The following INTS1 variants were observed in gnomAD, a reference collection of about 807,000 sequenced individuals.
INTS1 encodes the protein integrator complex subunit 1.
In INTS1, 137 loss-of-function variants were observed where a neutral mutation model predicts 241.6. The ratio of observed to expected loss-of-function variants is 0.57; its 90% CI spans 0.49 to 0.65. The LOEUF (loss-of-function observed/expected upper bound fraction) is 0.65, where lower values mean the gene tolerates loss of function less well. Ranked by LOEUF, INTS1 falls within the 30% of genes least tolerant of loss-of-function variation. The probability of loss-of-function intolerance (pLI) is 0.00; values close to 1 mark genes in which losing one functional copy is unlikely to be tolerated. For missense variants in INTS1, 3,073 were observed against 3,032.2 expected (o/e 1.01, Z -0.32); for synonymous variants, 1,692 against 1,337.8 (o/e 1.26, Z -5.78).
In INTS1 at chr7:1,473,682, C is replaced by G. The variant is rs766940024; in HGVS notation, c.5841G>C (p.Lys1947Asn). 6.2e-7 allele frequency: 1 copy of G among 1,613,184 alleles called. No homozygotes were observed. The highest frequency in any genetic ancestry group is 1.7e-5 in the Admixed American group (1 of 60,016). ...TGAAGGCAGCCAGATGGCGGGAGGA[C>G]TTCCTGTAATTCTGCAAAGCAAAAG... ...SFIRLLLNYR[K>N]SSRHLAAFIN... Residue 1947 changes from lysine (K) to asparagine (N), a missense_variant, in exon 42 of 48, where the codon AAG (lysine) becomes AAC (asparagine). Physicochemically the swap from Lys to Asn is moderately conservative, Grantham distance 94. Transcript: ENST00000404767.
In INTS1 at chr7:1,481,031, T is replaced by A; in HGVS notation, c.3851-98A>T. 1 of 859,260 alleles carries A rather than the reference T, an allele frequency of 1.2e-6. No homozygotes were observed. The highest frequency in any genetic ancestry group is 1.6e-5 in the South Asian group (1 of 64,386). 53.2% of individuals were successfully genotyped at this position (859,260 alleles called of 1,614,324 possible). On this transcript the variant is annotated intron_variant, in intron 28 of 47. Coordinates refer to ENST00000404767, the MANE Select transcript of INTS1 (RefSeq NM_001080453.3). The surrounding 1 kb of genome is among the most constrained non-coding windows in gnomAD (Gnocchi z 6.8). ...ACCAGAGTTGGAGATGCCCCCACCG[T>A]CACCAGCACTTCCCAAGGACTTCAG... is the stretch of plus-strand genomic sequence containing the variant.
chr7:1,493,168 G>A lies in INTS1; in HGVS notation c.2069-62C>T, dbSNP rs966601303. 37 of 1,420,576 alleles carry A rather than the reference G, an allele frequency of 2.6e-5. No homozygotes were observed. The highest frequency in any genetic ancestry group is 1.4e-4 in the African/African-American group (10 of 70,850). 88.0% of individuals were successfully genotyped at this position (1,420,576 alleles called of 1,614,324 possible). A position where few individuals can be genotyped will look rare whatever the true frequency, so the allele number is the denominator to read the frequency against. On this transcript the variant is annotated intron_variant, in intron 15 of 47. Coordinates refer to ENST00000404767, the MANE Select transcript of INTS1 (RefSeq NM_001080453.3). The surrounding 1 kb of genome is among the most constrained non-coding windows in gnomAD (Gnocchi z 5.3). ...TCACAGACCATCAGGCACAGGCAGC[G>A]AGGGAACCGGCCCTGCTCGGGCCGC...
rs566594176 is a variant in INTS1, at chr7:1,494,381, G to A, written c.1910+435C>T. 1.1e-4 allele frequency: 27 copies of A among 256,560 alleles called. No individual in the cohort carries two copies. The East Asian group carries it at 1.8e-3, about 17-fold the overall frequency. The allele number at this position is 256,560 out of a possible 1,614,324, so 15.9% of individuals were successfully genotyped here. On this transcript the variant is annotated intron_variant, in intron 14 of 47. Transcript: ENST00000404767. Reference sequence around the variant, plus strand: ...GCCCCAGGCGGGGCTGGAGGGGAGTGTAGACCAAGAACCCACGGGGTCACC... The same window carrying A: ...GCCCCAGGCGGGGCTGGAGGGGAGTATAGACCAAGAACCCACGGGGTCACC...
chr7:1,481,896 G>A lies in INTS1; in HGVS notation c.3704-408C>T, dbSNP rs1782016857. 6.6e-6 allele frequency among the ~76,000 whole-genome samples: 1 copy of A among 152,156 alleles called. No homozygotes were observed. The highest frequency in any genetic ancestry group is 1.5e-5 in the Non-Finnish European group (1 of 68,022). Reference sequence around the variant, plus strand: ...TGTGTGGGCCCCATCCCCAGGGGTGGGTGGGCGCTCCAGAGGGCCTATGGT... The same window carrying A: ...TGTGTGGGCCCCATCCCCAGGGGTGAGTGGGCGCTCCAGAGGGCCTATGGT... On this transcript the variant is annotated intron_variant, in intron 27 of 47. Transcript: ENST00000404767. The surrounding 1 kb of genome is among the most constrained non-coding windows in gnomAD (Gnocchi z 6.8).
chr7:1,487,471 G>A, intron 19 of INTS1, 22 bp from the exon 20 acceptor site: 1 of 1,607,166 alleles, frequency 6.2e-7, no homozygotes, highest in Non-Finnish European at 8.5e-7. Context: ...AGGGGACACG[G>A]TGCGTCAGCA....
intron 29 of INTS1, 74 bp downstream of exon 29, chr7:1,480,761 C>G (rs1240564289): frequency 1.6e-6 from 2 of 1,241,540 alleles, no homozygotes; most frequent in Non-Finnish European, 2.3e-6. Context: ...TCCCCCTCCC[C>G]AGGCTGGGTC....
At chr7:1,489,475 A>G in intron 17 of INTS1, 71 bp from the exon 18 acceptor site, 1 of 1,555,556 alleles carries the variant, frequency 6.4e-7, no homozygotes, top group Non-Finnish European at 8.7e-7. Context: ...CGCTTCTCCC[A>G]GCTCCTCCTC....
chr7:1,484,669 C>T (rs1429840586), intron 24 of INTS1, among the ~76,000 whole-genome samples: 4 of 152,192 alleles, frequency 2.6e-5, no homozygotes, highest in African/African-American at 4.8e-5. Context: ...CTCCTGGCGT[C>T]GGGGAGAAGG....
At chr7:1,471,790 A>C in intron 44 of INTS1, 149 bp from the exon 45 acceptor site, 1 of 691,426 alleles carries the variant, frequency 1.4e-6, no homozygotes, top group Non-Finnish European at 2.5e-6. Context: ...CCAGGCAGTC[A>C]CCTGCCCCCA....
Position 1,495,546 on chromosome 7 carries a change from T to C in INTS1, c.1719A>G (p.Glu573=), listed in dbSNP as rs1468020729. ...AWDKGEKRNL[E]VLRSFQNQIA... is the part of the protein sequence containing the mutation. ...TCTGGTTCTGGAATGAGCGGAGCAC[T>C]TCCAGGTCTGAAACAGACACGCAGC... is the stretch of plus-strand genomic sequence containing the variant. Residue 573 remains glutamate, a synonymous_variant, in exon 13 of 48, where the codon GAA becomes GAG. Coordinates refer to ENST00000404767, the MANE Select transcript of INTS1 (RefSeq NM_001080453.3). The C allele has an allele frequency of 9.9e-6, 16 of 1,610,104 alleles. No homozygotes were observed. The highest frequency in any genetic ancestry group is 1.3e-5 in the African/African-American group (1 of 74,878).
intron 31 of INTS1, among the ~76,000 whole-genome samples, chr7:1,479,115 G>C (rs778784046): frequency 6.6e-6 from 1 of 152,218 alleles, no homozygotes; most frequent in African/African-American, 2.4e-5. Context: ...GCTCCCACGC[G>C]GTTCAAAGGA....
intron 2 of INTS1, among the ~76,000 whole-genome samples, chr7:1,503,407 G>A (rs568446111): frequency 1.6e-4 from 25 of 152,284 alleles, no homozygotes; most frequent in Admixed American, 7.2e-4. Flanking sequence ...CACAAACCAG[G>A]CCATCTCTGG....
Position 1,496,232 on chromosome 7 carries a change from C to T in INTS1, c.1635G>A (p.Leu545=), listed in dbSNP as rs1179753703. 1.2e-6 allele frequency: 2 copies of T among 1,613,684 alleles called. No individual in the cohort carries two copies. The highest frequency in any genetic ancestry group is 1.3e-5 in the African/African-American group (1 of 74,922). Residue 545 remains leucine (L), a synonymous_variant, in exon 12 of 48, where the codon CTG becomes CTA. Coordinates refer to ENST00000404767, the MANE Select transcript of INTS1 (RefSeq NM_001080453.3). ...TGATGCCCAGCATCATGGACACGGC[C>T]AGGACGTCGGTGATGTGCACCACGA... is the stretch of plus-strand genomic sequence containing the variant. ...ERFVVHITDV[L]AVSMMLGITA...
intron 22 of INTS1, among the ~76,000 whole-genome samples, chr7:1,485,747 ATC>A (rs1782229295): frequency 6.6e-6 from 1 of 152,248 alleles, no homozygotes; most frequent in Admixed American, 6.5e-5. Context: ...TCACTAGCGC[ATC>A]CTTCCTACGC....
At chr7:1,484,955 C>A in intron 24 of INTS1, 143 bp downstream of exon 24, 1 of 527,232 alleles carries the variant, frequency 1.9e-6, no homozygotes, top group Non-Finnish European at 3.4e-6. Context: ...CCCGTCCCCT[C>A]CCCAGGGCCA....
At position 1,494,887 on chromosome 7, in the gene INTS1, G is replaced by A. The variant is rs1424821532; in HGVS notation, c.1839C>T (p.His613=). 2 of 1,561,172 alleles carry A rather than the reference G, an allele frequency of 1.3e-6. No homozygotes were observed. Among genetic ancestry groups the A allele is most frequent in the South Asian group, 1.2e-5 (1 of 84,598 alleles). Residue 613 remains histidine (H), a synonymous_variant, in exon 14 of 48, where the codon CAC becomes CAT. Transcript: ENST00000404767. ...CCGGCTGCTCTGTGAACAGCACCTTGTGCAGGCTGGGCAGGCAGAGAAGAG... is the reference window on the plus strand; with the variant it reads ...CCGGCTGCTCTGTGAACAGCACCTTATGCAGGCTGGGCAGGCAGAGAAGAG... ...LAPKDYVHCL[H]KVLFTEQPET...
intron 35 of INTS1, 131 bp from the exon 36 acceptor site, chr7:1,477,049 C>G (rs1259198443): frequency 1.7e-6 from 2 of 1,158,808 alleles, no homozygotes; most frequent in Non-Finnish European, 2.4e-6. Flanking sequence ...AACACCGGCC[C>G]CGTCATGGTG....
In INTS1 at chr7:1,480,895, C is replaced by G; in HGVS notation, c.3889G>C (p.Gly1297Arg). ...AHLVEVQHER[G>R]ASGGQTFHSL... is the part of the protein sequence containing the mutation. The stretch of plus-strand genomic sequence containing the variant: ...TGGAAAGTCTGGCCTCCGGAGGCGC[C>G]GCGCTCATGCTGGACCTCCACCAGG... Residue 1297 changes from glycine to arginine, a missense_variant, in exon 29 of 48, where the codon GGC (glycine) becomes CGC (arginine). Coordinates refer to ENST00000404767, the MANE Select transcript of INTS1 (RefSeq NM_001080453.3). 1 of 1,562,354 alleles carries G rather than the reference C, an allele frequency of 6.4e-7. No homozygotes were observed. The highest frequency in any genetic ancestry group is 8.7e-7 in the Non-Finnish European group (1 of 1,154,396).
rs1294937429 is a variant in INTS1, at chr7:1,499,086, G to A, written c.1026C>T (p.Pro342=). ...MLRDQLNRRQ[P]IDNVSRNLLR... ...GGAGGTTCCTGGAGACGTTGTCGAT[G>A]GGCTGGCGCCGGTTCAGCTGGTCCC... Residue 342 remains proline (P), a synonymous_variant, in exon 8 of 48, where the codon CCC becomes CCT. Transcript: ENST00000404767. 1 of 1,609,900 alleles carries A rather than the reference G, an allele frequency of 6.2e-7. No individual in the cohort carries two copies. The highest frequency in any genetic ancestry group is 1.1e-5 in the South Asian group (1 of 90,654).
Sources: gnomAD v4.1 joint callset for allele counts (sites outside exome capture counted in the v4.1 genomes callset) on GRCh38, gnomAD v4.1.1 for gene constraint, Gnocchi (gnomAD v3.1) non-coding constraint, MANE v1.5 for transcripts, NCBI Gene and HGNC (gene_info 2026-07-23, HGNC 2026-07-21) for gene names.